Variants in PLB1 observed in about 807,000 individuals in gnomAD.
PLB1 encodes phospholipase B1, membrane-associated.
Under a neutral mutation model 227.4 loss-of-function variants are expected in PLB1, and 242 were observed. That is an observed-to-expected ratio of 1.06 (90% CI 0.96 to 1.18). PLB1 has a LOEUF of 1.18. Ranked by LOEUF, PLB1 falls within the 50% of genes most tolerant of loss-of-function variation. The probability of loss-of-function intolerance (pLI) is 0.00; values close to 1 mark genes in which losing one functional copy is unlikely to be tolerated. For synonymous variants in PLB1, 757 were observed against 682.2 expected, an observed-to-expected ratio of 1.11 and a Z score of -1.71; for missense variants, 1,858 against 1,816.3, an observed-to-expected ratio of 1.02 and a Z score of -0.42.
intron 5 of PLB1, 133 bp from the exon 6 acceptor site, chr2:28,525,772 T>C: frequency 8.9e-7 from 1 of 1,123,618 alleles, no homozygotes. Flanking sequence ...CTATAACCCC[T>C]GGGAGGATAA....
In PLB1 at chr2:28,643,123, C is replaced by CA; in HGVS notation, c.*63dup. The CA allele has an allele frequency of 1.4e-6, 2 of 1,431,330 alleles. No individual in the cohort carries two copies. The highest frequency in any genetic ancestry group is 1.9e-6 in the Non-Finnish European group (2 of 1,070,842). The allele number at this position is 1,431,330 out of a possible 1,614,324, so 88.7% of individuals were successfully genotyped here. Reference sequence around the variant, plus strand: ...CCACTCTCTTCACCGCCCTCTGCCCCAGCCACTCCCGGCCACCAGGACATG... The same window carrying CA: ...CCACTCTCTTCACCGCCCTCTGCCCCAAGCCACTCCCGGCCACCAGGACATG... On this transcript the variant is annotated 3_prime_UTR_variant, in exon 58 of 58. Transcript: ENST00000327757.
intron 28 of PLB1, 32 bp from the exon 29 acceptor site, chr2:28,589,973 C>T (rs1456153134): frequency 6.3e-7 from 1 of 1,596,056 alleles, no homozygotes; most frequent in Non-Finnish European, 8.6e-7. Flanking sequence ...CCGCCTCTTC[C>T]TCACTCCCCA....
At chr2:28,632,850 G>A in intron 55 of PLB1, 94 bp from the exon 56 acceptor site, 1 of 808,000 alleles carries the variant, frequency 1.2e-6, no homozygotes, top group East Asian at 2.5e-5. Flanking sequence ...AAGAATGAAA[G>A]GAGACATGCC....
chr2:28,629,688 A>G (rs145541073), intron 53 of PLB1, among the ~76,000 whole-genome samples: 13 of 152,338 alleles, frequency 8.5e-5, no homozygotes, highest in African/African-American at 2.9e-4. Flanking sequence ...CTGGCCTACC[A>G]AGACTACCAA....
At chr2:28,582,020 G>A (rs761600664) in intron 23 of PLB1, 48 bp from the exon 24 acceptor site, 1 of 1,545,156 alleles carries the variant, frequency 6.5e-7, no homozygotes, top group Non-Finnish European at 8.9e-7. Flanking sequence ...GTTCTGTAGA[G>A]AGATTAGGTG....
At chr2:28,628,985 T>C (rs1172882371) in intron 52 of PLB1, 109 bp from the exon 53 acceptor site, 4 of 899,904 alleles carry the variant, frequency 4.4e-6, no homozygotes, top group African/African-American at 1.7e-5. Context: ...TGGGCCTCAG[T>C]TTCTTCATTG....
chr2:28,597,885 C>T, intron 33 of PLB1, 120 bp from the exon 34 acceptor site: 1 of 936,656 alleles, frequency 1.1e-6, no homozygotes, highest in Non-Finnish European at 1.7e-6. Flanking sequence ...TGGGTCTGGC[C>T]CATCTCAAAG....
At chr2:28,579,787 G>A in intron 23 of PLB1, 80 bp downstream of exon 23, 1 of 1,232,238 alleles carries the variant, frequency 8.1e-7, no homozygotes, top group East Asian at 2.4e-5. Flanking sequence ...TGCCCGGGAG[G>A]AGTACAGCTA....
At chr2:28,536,629 G>A (rs749150629) in intron 9 of PLB1, among the ~76,000 whole-genome samples, 12 of 152,120 alleles carry the variant, frequency 7.9e-5, no homozygotes, top group African/African-American at 2.4e-4. Context: ...TCTCAGGCAC[G>A]TGTTTGATAA....
intron 51 of PLB1, 80 bp downstream of exon 51, chr2:28,626,588 G>GCCCTGC (rs991531766): frequency 2.4e-6 from 3 of 1,250,648 alleles, no homozygotes; most frequent in African/African-American, 3.0e-5. Flanking sequence ...TCCATCCCTG[G>GCCCTGC]CCCTGCCCCG....
chr2:28,538,275 T>A (rs1572836674), intron 9 of PLB1, 44 bp from the exon 10 acceptor site: 1 of 1,613,892 alleles, frequency 6.2e-7, no homozygotes, highest in Non-Finnish European at 8.5e-7. Flanking sequence ...CACCTCGTGG[T>A]CCTCCTGCAG....
Position 28,604,673 on chromosome 2 carries a change from G to A in PLB1, c.2875G>A (p.Val959Met), listed in dbSNP as rs759537881. ...TCCCCAGAGCAGCATGCGCGAGCTGGTGGGGTCAGGCCGCTATGACACGCA... is the reference window on the plus strand; with the variant it reads ...TCCCCAGAGCAGCATGCGCGAGCTGATGGGGTCAGGCCGCTATGACACGCA... The part of the protein sequence containing the change: ...RAYRSSMREL[V>M]GSGRYDTQED... Residue 959 changes from valine to methionine, a missense_variant, in exon 41 of 58, where the codon GTG (valine) becomes ATG (methionine). Transcript: ENST00000327757. 6.2e-7 allele frequency: 1 copy of A among 1,614,122 alleles called. No individual in the cohort carries two copies. The highest frequency in any genetic ancestry group is 8.5e-7 in the Non-Finnish European group (1 of 1,179,988).
rs375555363 is a variant in PLB1, at chr2:28,566,852, C to A, written c.1324+13C>A. 1 of 1,613,938 alleles carries A rather than the reference C, an allele frequency of 6.2e-7. No homozygotes were observed. Among genetic ancestry groups the A allele is most frequent in the Non-Finnish European group, 8.5e-7 (1 of 1,179,920 alleles). On this transcript the variant is annotated intron_variant, in intron 20 of 57. Coordinates refer to ENST00000327757, the MANE Select transcript of PLB1 (RefSeq NM_153021.5). Reference sequence around the variant, plus strand: ...ACCACCCTGGCGAGTGAGTACGCGGCGGCGGCCGGGATGTTTGGTTTGGGG... The same window carrying A: ...ACCACCCTGGCGAGTGAGTACGCGGAGGCGGCCGGGATGTTTGGTTTGGGG...
At chr2:28,628,112 A>G (rs1162894616) in intron 51 of PLB1, among the ~76,000 whole-genome samples, 1 of 152,208 alleles carries the variant, frequency 6.6e-6, no homozygotes, top group Non-Finnish European at 1.5e-5. Context: ...ACTGAGTCAC[A>G]GGGGATAGAA....
At chr2:28,522,074 A>C (rs1231433522) in intron 4 of PLB1, among the ~76,000 whole-genome samples, 1 of 151,702 alleles carries the variant, frequency 6.6e-6, no homozygotes, top group South Asian at 2.1e-4. Context: ...CCTCATCTCA[A>C]ATAACCAGTT....
Position 28,543,269 on chromosome 2 carries a change from G to T in PLB1, c.936+1G>T, listed in dbSNP as rs1357461079. Reference sequence around the variant, plus strand: ...GGCCTGGCATCTCTGGAATAGGATGGTGAGTAGATGGGGCCTGGGGTGGGG... The same window carrying T: ...GGCCTGGCATCTCTGGAATAGGATGTTGAGTAGATGGGGCCTGGGGTGGGG... On this transcript the variant is annotated splice_donor_variant, in intron 14 of 57. Transcript: ENST00000327757. LOFTEE classifies it high-confidence loss of function. The T allele has an allele frequency of 6.2e-7, 1 of 1,611,744 alleles. No homozygotes were observed. The highest frequency in any genetic ancestry group is 1.3e-5 in the African/African-American group (1 of 75,024).
chr2:28,630,609 A>T lies in PLB1; in HGVS notation c.3842A>T (p.His1281Leu). 1.2e-6 allele frequency: 2 copies of T among 1,613,714 alleles called. No individual in the cohort carries two copies. The highest frequency in any genetic ancestry group is 1.7e-6 in the Non-Finnish European group (2 of 1,179,812). ...AGGAACAACTGCACTTGCCTCAGAC[A>T]CTCGCAAAGCTCCCTGGAGAAGCAA... ...AAQNNCTCLR[H>L]SQSSLEKQEL... The change falls in exon 54 of 58, where the codon CAC becomes CTC. Residue 1281 changes from histidine to leucine, a missense_variant. By Grantham distance (99) the His-to-Leu change is moderately conservative (BLOSUM62 -3). Transcript: ENST00000327757.
intron 14 of PLB1, among the ~76,000 whole-genome samples, chr2:28,545,918 CG>C (rs1673187714): frequency 6.6e-6 from 1 of 152,158 alleles, no homozygotes; most frequent in Admixed American, 6.5e-5. Flanking sequence ...CAGACACCCC[CG>C]GACACAGCTG....
rs1681485575 is a variant in PLB1, at chr2:28,589,446, G to T, written c.1816-4G>T. 6.2e-7 allele frequency: 1 copy of T among 1,613,544 alleles called. No homozygotes were observed. The highest frequency in any genetic ancestry group is 8.5e-7 in the Non-Finnish European group (1 of 1,179,434). ...CTGACATCTGTCCCCTTTTCCTCCT[G>T]CAGGAGAAGACCCACCAACTGATTG... is the stretch of plus-strand genomic sequence containing the variant. On this transcript the variant is annotated splice_region_variant and splice_polypyrimidine_tract_variant and intron_variant, in intron 26 of 57. Coordinates refer to ENST00000327757, the MANE Select transcript of PLB1 (RefSeq NM_153021.5).
Sources: allele counts gnomAD v4.1 joint callset (sites outside exome capture counted in the v4.1 genomes callset), GRCh38; gene constraint gnomAD v4.1.1; transcripts MANE v1.5; gene names NCBI Gene and HGNC (gene_info 2026-07-23, HGNC 2026-07-21).